MFSD8: variants seen among roughly 807,000 people sequenced by gnomAD.
The protein encoded by MFSD8 is major facilitator superfamily domain containing 8.
MFSD8 carries 55 observed loss-of-function variants against 66.4 expected under a neutral mutation model. The observed-to-expected ratio is 0.83, with a 90% CI of 0.67 to 1.04. The LOEUF (loss-of-function observed/expected upper bound fraction) is 1.04. Among genes scored for constraint, MFSD8 ranks in the 50% least tolerant of loss-of-function variants. The pLI, the probability that MFSD8 is intolerant of heterozygous loss-of-function variation, is 0.00. For missense variants in MFSD8, 550 were observed against 627.6 expected, an observed-to-expected ratio of 0.88 and a Z score of 1.32; for synonymous variants, 202 against 212.8, an observed-to-expected ratio of 0.95 and a Z score of 0.44.
chr4:127,935,481 T>C (rs1041193713), intron 7 of MFSD8, among the ~76,000 whole-genome samples: 4 of 152,210 alleles, frequency 2.6e-5, no homozygotes. Context: ...CAATTAGAAA[T>C]TATAATCCTG....
chr4:127,943,498 G>A (rs1460943546), intron 4 of MFSD8: 2 of 433,802 alleles, frequency 4.6e-6, no homozygotes, highest in Non-Finnish European at 8.5e-6. Context: ...GGTATTATAG[G>A]CACGTGCCAC....
At chr4:127,962,928 G>A (rs951487624) in intron 1 of MFSD8, among the ~76,000 whole-genome samples, 7 of 152,170 alleles carry the variant, frequency 4.6e-5, no homozygotes, top group Non-Finnish European at 7.4e-5. Flanking sequence ...TGCTTAAGGG[G>A]AACAAATGAG....
intron 9 of MFSD8, among the ~76,000 whole-genome samples, chr4:127,923,666 G>A (rs189706760): frequency 4.2e-3 from 629 of 150,682 alleles, no homozygotes; most frequent in Non-Finnish European, 6.4e-3. Context: ...TGCAAACTCC[G>A]CCTCCCGGGT....
At chr4:127,953,332 TACA>T (rs1742314214) in intron 2 of MFSD8, among the ~76,000 whole-genome samples, 1 of 151,054 alleles carries the variant, frequency 6.6e-6, no homozygotes, top group Admixed American at 6.6e-5. Context: ...CTACTAAAAA[TACA>T]ACATTAGCTG....
upstream of MFSD8, chr4:127,965,305 C>T (rs1744906176): frequency 2.6e-6 from 2 of 760,626 alleles, no homozygotes; most frequent in Non-Finnish European, 4.5e-6. Flanking sequence ...GAAGGCCGGG[C>T]AGCGCAGGGC....
intron 3 of MFSD8, among the ~76,000 whole-genome samples, chr4:127,947,028 G>A (rs1467598115): frequency 6.6e-6 from 1 of 151,990 alleles, no homozygotes; most frequent in Non-Finnish European, 1.5e-5. Context: ...CATATTAAGG[G>A]CTAATGATAA....
chr4:127,961,370 G>A (rs1268304248), intron 1 of MFSD8, among the ~76,000 whole-genome samples: 1 of 152,004 alleles, frequency 6.6e-6, no homozygotes, highest in Admixed American at 6.6e-5. Context: ...ATCCTAATGA[G>A]CATCAATCAC....
At chr4:127,959,514 T>C (rs1167231228) in intron 1 of MFSD8, among the ~76,000 whole-genome samples, 1 of 152,220 alleles carries the variant, frequency 6.6e-6, no homozygotes, top group Admixed American at 6.5e-5. Flanking sequence ...GTAACAGTGA[T>C]GGAGTTGCGT....
At chr4:127,943,385 T>G in intron 4 of MFSD8, 1 of 231,528 alleles carries the variant, frequency 4.3e-6, no homozygotes, top group Non-Finnish European at 8.5e-6. Flanking sequence ...CTATTTTTGT[T>G]TTGGGTTTTT....
At chr4:127,920,964 A>T (rs1304876194) in intron 11 of MFSD8, 128 bp from the exon 12 acceptor site, 2 of 878,958 alleles carry the variant, frequency 2.3e-6, no homozygotes, top group Non-Finnish European at 3.5e-6. Context: ...CTTTTAAATT[A>T]AACATAAAAT....
chr4:127,938,505 C>A (rs916016970), intron 7 of MFSD8, among the ~76,000 whole-genome samples: 1 of 151,334 alleles, frequency 6.6e-6, no homozygotes, highest in African/African-American at 2.4e-5. Flanking sequence ...ATGGCATGAA[C>A]CCCGGAGGCA....
In MFSD8 at chr4:127,965,121, G is replaced by T; in HGVS notation, c.13C>A (p.Arg5=). 1 of 1,613,892 alleles carries T rather than the reference G, an allele frequency of 6.2e-7. No homozygotes were observed. Among genetic ancestry groups the T allele is most frequent in the Non-Finnish European group, 8.5e-7 (1 of 1,180,000 alleles). The part of the protein sequence containing the change: MAGL[R]NESEQEPLLG... ...AGCGGCTCCTGTTCACTTTCGTTCCGCAGGCCGGCCATAGTTACACTCCCT... is the reference window on the plus strand; with the variant it reads ...AGCGGCTCCTGTTCACTTTCGTTCCTCAGGCCGGCCATAGTTACACTCCCT... The change falls in exon 1 of 12, where the codon CGG becomes AGG. Residue 5 remains arginine (R), a synonymous_variant. Coordinates refer to ENST00000641686, the MANE Select transcript of MFSD8 (RefSeq NM_001371596.2).
chr4:127,956,012 G>C (rs947231388), intron 2 of MFSD8, among the ~76,000 whole-genome samples: 1 of 151,914 alleles, frequency 6.6e-6, no homozygotes, highest in African/African-American at 2.4e-5. Context: ...CCAGCTACTC[G>C]GGAGGCTAAG....
At position 127,965,150 on chromosome 4, in the gene MFSD8, A is replaced by C. The variant is rs1744851380; in HGVS notation, c.-17T>G. On this transcript the variant is annotated 5_prime_UTR_variant, in exon 1 of 12. Transcript: ENST00000641686. Reference sequence around the variant, plus strand: ...GCCGGCCATAGTTACACTCCCTACAAGGCGTCTTGCGCCCAACTCTCGCGA... The same window carrying C: ...GCCGGCCATAGTTACACTCCCTACACGGCGTCTTGCGCCCAACTCTCGCGA... 6.2e-7 allele frequency: 1 copy of C among 1,613,696 alleles called. No individual in the cohort carries two copies. The highest frequency in any genetic ancestry group is 8.5e-7 in the Non-Finnish European group (1 of 1,180,004).
Position 127,933,015 on chromosome 4 carries a change from A to G in MFSD8, c.833T>C (p.Val278Ala). The G allele has an allele frequency of 6.2e-7, 1 of 1,613,772 alleles. No homozygotes were observed. The highest frequency in any genetic ancestry group is 1.1e-5 in the South Asian group (1 of 91,076). ...AAAAAGGGCAAAGATAAATAGAGTC[A>G]CAAAAAACAGAACATTGATGGCCAC... is the stretch of plus-strand genomic sequence containing the variant. Reference protein sequence around the residue: ...AVVAINVLFFVTLFIFALFET... With the variant: ...AVVAINVLFFATLFIFALFET... The change falls in exon 8 of 12, where the codon GTG (valine) becomes GCG (alanine). Residue 278 changes from valine to alanine, a missense_variant. Coordinates refer to ENST00000641686, the MANE Select transcript of MFSD8 (RefSeq NM_001371596.2).
At position 127,943,942 on chromosome 4, in the gene MFSD8, A is replaced by G. The variant is rs2148922498; in HGVS notation, c.249T>C (p.Tyr83=). The G allele has an allele frequency of 6.2e-7, 1 of 1,614,178 alleles. No homozygotes were observed. The highest frequency in any genetic ancestry group is 8.5e-7 in the Non-Finnish European group (1 of 1,180,032). Reference sequence around the variant, plus strand: ...GTGAAGCTACCATTTGGCCAAGACTATATGAAGCAATAACCCAGCCCAAAA... The same window carrying G: ...GTGAAGCTACCATTTGGCCAAGACTGTATGAAGCAATAACCCAGCCCAAAA... ...TSFLGWVIAS[Y]SLGQMVASPI... Residue 83 remains tyrosine, a synonymous_variant, in exon 4 of 12, where the codon TAT becomes TAC. Coordinates refer to ENST00000641686, the MANE Select transcript of MFSD8 (RefSeq NM_001371596.2).
Position 127,930,621 on chromosome 4 carries a change from T to G in MFSD8, c.998+62A>C, listed in dbSNP as rs34072884. The G allele has an allele frequency of 1.2e-3, 1,827 of 1,582,232 alleles. 3 individuals carry two copies. Among genetic ancestry groups the G allele is most frequent in the Non-Finnish European group, 1.5e-3 (1,759 of 1,154,358 alleles). Reference sequence around the variant, plus strand: ...TTTCCTGGTATATCCATTTGCATTGTTAGCTCTGTTTTTTGTTTTATTTTT... The same window carrying G: ...TTTCCTGGTATATCCATTTGCATTGGTAGCTCTGTTTTTTGTTTTATTTTT... On this transcript the variant is annotated intron_variant, in intron 9 of 11. Transcript: ENST00000641686.
intron 9 of MFSD8, among the ~76,000 whole-genome samples, chr4:127,928,424 A>C (rs1737573564): frequency 6.6e-6 from 1 of 152,164 alleles, no homozygotes; most frequent in Admixed American, 6.6e-5. Context: ...AGGCCCTCAA[A>C]ATGATTCTTT....
intron 9 of MFSD8, among the ~76,000 whole-genome samples, chr4:127,928,339 G>A (rs552452736): frequency 1.3e-5 from 2 of 152,146 alleles, no homozygotes; most frequent in South Asian, 2.1e-4. Context: ...GACTGGTCTC[G>A]AACTGCTGAC....
Sources: gnomAD v4.1 joint callset for allele counts (sites outside exome capture counted in the v4.1 genomes callset) on GRCh38, gnomAD v4.1.1 for gene constraint, MANE v1.5 for transcripts, NCBI Gene and HGNC (gene_info 2026-07-23, HGNC 2026-07-21) for gene names.